Variants in LMOD1 observed in about 807,000 individuals in gnomAD.
The protein encoded by LMOD1 is leiomodin 1, also known as leiomodin-1.
In LMOD1, 8 loss-of-function variants were observed where a neutral mutation model predicts 36.5. The observed-to-expected ratio is 0.22, with a 90% CI of 0.13 to 0.40. The LOEUF is 0.40. Ranked by LOEUF, LMOD1 falls within the 10% of genes least tolerant of loss-of-function variation. The probability of loss-of-function intolerance (pLI) is 1.00; values close to 1 mark genes in which losing one functional copy is unlikely to be tolerated. For synonymous variants in LMOD1, 284 were observed against 288.7 expected, an observed-to-expected ratio of 0.98 and a Z score of 0.17; for missense variants, 630 against 751.1, an observed-to-expected ratio of 0.84 and a Z score of 1.88.
intron 1 of LMOD1, among the ~76,000 whole-genome samples, chr1:201,940,449 C>G (rs1682095063): frequency 6.6e-6 from 1 of 151,798 alleles, no homozygotes; most frequent in Non-Finnish European, 1.5e-5. Context: ...CCTCCCCAAG[C>G]ACTGGGATTA....
chr1:201,900,174 T>G lies in LMOD1; in HGVS notation c.839A>C (p.Lys280Thr). The change falls in exon 2 of 3, where the codon AAG becomes ACG. Residue 280 changes from lysine to threonine, a missense_variant. Lys to Thr is a moderately conservative substitution (Grantham distance 78, BLOSUM62 -1). Transcript: ENST00000367288. ...GGTCTTGCTGTCATCCTTGGCTTCCTTTTCATGTAAGGGTTCATTCTTCTT... is the reference window on the plus strand; with the variant it reads ...GGTCTTGCTGTCATCCTTGGCTTCCGTTTCATGTAAGGGTTCATTCTTCTT... ...KVKKNEPLHE[K>T]EAKDDSKTKT... The G allele has an allele frequency of 1.2e-6, 2 of 1,613,958 alleles. No homozygotes were observed. The highest frequency in any genetic ancestry group is 1.7e-6 in the Non-Finnish European group (2 of 1,179,880).
rs938192543 is a variant in LMOD1, at chr1:201,900,687, C to T, written c.326G>A (p.Ser109Asn). The change falls in exon 2 of 3, where the codon AGC becomes AAC. Residue 109 changes from serine (S) to asparagine (N), a missense_variant. By Grantham distance (46) the Ser-to-Asn change is conservative. This residue lies in a region of LMOD1 where 405 missense variants were observed against 400.6 expected (regional missense o/e 1.01). Coordinates refer to ENST00000367288, the MANE Select transcript of LMOD1 (RefSeq NM_012134.3). The stretch of plus-strand genomic sequence containing the variant: ...CCGTCTGGGGCCCAGGGCTTTTTTG[C>T]TGGCATCTCTGCCCCTTTCCTCTCC... ...KNGEERGRDASKKALGPRRDS... is the reference protein window; with the variant it reads ...KNGEERGRDANKKALGPRRDS... 3 of 1,613,698 alleles carry T rather than the reference C, an allele frequency of 1.9e-6. No homozygotes were observed. The highest frequency in any genetic ancestry group is 1.7e-6 in the Non-Finnish European group (2 of 1,179,874).
At chr1:201,923,906 A>C (rs1405841651) in intron 1 of LMOD1, among the ~76,000 whole-genome samples, 1 of 128,256 alleles carries the variant, frequency 7.8e-6, no homozygotes. Flanking sequence ...AGAGAGAGGG[A>C]GGGAGAGAGA....
At chr1:201,918,788 TG>T (rs1339527746) in intron 1 of LMOD1, among the ~76,000 whole-genome samples, 2 of 152,236 alleles carry the variant, frequency 1.3e-5, no homozygotes, top group Non-Finnish European at 2.9e-5. Flanking sequence ...TCTCTACATA[TG>T]GCCAATCTTG....
chr1:201,930,841 G>T (rs1015204578), intron 1 of LMOD1, among the ~76,000 whole-genome samples: 2 of 152,168 alleles, frequency 1.3e-5, no homozygotes, highest in African/African-American at 4.8e-5. Flanking sequence ...AAAACAAGGA[G>T]AATGTGCTGT....
At chr1:201,908,000 C>T (rs868163546) in intron 1 of LMOD1, among the ~76,000 whole-genome samples, 3 of 152,160 alleles carry the variant, frequency 2.0e-5, no homozygotes, top group Admixed American at 6.5e-5. Context: ...TAGAGCAGGC[C>T]TCCCCGCTGC....
At position 201,901,658 on chromosome 1, in the gene LMOD1, G is replaced by A. The variant is rs187687095; in HGVS notation, c.262-907C>T. Among the ~76,000 whole-genome samples, 579 of 82,484 alleles carry A rather than the reference G, an allele frequency of 7.0e-3. 54 individuals carry two copies. Among genetic ancestry groups the A allele is most frequent in the African/African-American group, 0.029 (538 of 18,734 alleles). The allele number at this position is 82,484 out of a possible 152,430, so 54.1% of individuals were successfully genotyped here. The stretch of plus-strand genomic sequence containing the variant: ...TATATATATATATATACATATATAT[G>A]TGTATATATATATATACACATATAT... On this transcript the variant is annotated intron_variant, in intron 1 of 2. Transcript: ENST00000367288.
At position 201,900,431 on chromosome 1, in the gene LMOD1, A is replaced by C. The variant is rs1681280599; in HGVS notation, c.582T>G (p.Ser194Arg). The change falls in exon 2 of 3, where the codon AGT becomes AGG. Residue 194 changes from serine to arginine, a missense_variant. By Grantham distance (110) the Ser-to-Arg change is moderately radical (BLOSUM62 -1). Around this residue, in one of 3 missense-constraint regions of LMOD1, gnomAD observed 405 missense variants for 400.6 expected, o/e 1.01. Transcript: ENST00000367288. ...CCCTGCTCAAGCCTGTGTTCCTGTC[A>C]CTCCCTTTCTTCTCCTCTTCCTTCT... Reference protein sequence around the residue: ...ATKKEEEKKGSDRNTGLSRDK... With the variant: ...ATKKEEEKKGRDRNTGLSRDK... The C allele has an allele frequency of 6.4e-6, 10 of 1,563,406 alleles. No homozygotes were observed. Among genetic ancestry groups the C allele is most frequent in the African/African-American group, 6.0e-5 (4 of 66,684 alleles).
chr1:201,931,518 ACATAATGAGACTCTGT>A (rs1681920817), intron 1 of LMOD1, among the ~76,000 whole-genome samples: 1 of 146,218 alleles, frequency 6.8e-6, no homozygotes. Flanking sequence ...AGCCTGGGCG[ACATAATGAGACTCTGT>A]CAAAAAAAAA....
intron 1 of LMOD1, among the ~76,000 whole-genome samples, chr1:201,940,288 G>C (rs1443115834): frequency 1.3e-5 from 2 of 150,136 alleles, no homozygotes; most frequent in Non-Finnish European, 3.0e-5. Context: ...CTGGGTTCAA[G>C]GGATTCTCCT....
At chr1:201,907,589 G>A (rs780489332) in intron 1 of LMOD1, among the ~76,000 whole-genome samples, 1 of 152,184 alleles carries the variant, frequency 6.6e-6, no homozygotes, top group Non-Finnish European at 1.5e-5. Context: ...GACCTGCCTG[G>A]AGGGCTACAA....
chr1:201,938,686 A>G (rs1198061607), intron 1 of LMOD1, among the ~76,000 whole-genome samples: 2 of 152,068 alleles, frequency 1.3e-5, no homozygotes, highest in African/African-American at 4.8e-5. Context: ...ATCTCAAAGG[A>G]AGGCCTATTG....
At chr1:201,944,506 A>T (rs1682169402) in intron 1 of LMOD1, among the ~76,000 whole-genome samples, 1 of 152,072 alleles carries the variant, frequency 6.6e-6, no homozygotes, top group Admixed American at 6.6e-5. Flanking sequence ...GCTGCATTTC[A>T]TTTCTTTCTG....
chr1:201,924,666 AAAGAAAGAAAGAAAGAAAG>A (rs1266535864), intron 1 of LMOD1, among the ~76,000 whole-genome samples: 27 of 3,498 alleles, frequency 7.7e-3, no homozygotes, highest in African/African-American at 1.4e-3. Context: ...GAAAGAAAAA[AAAGAAAGAAAGAAAGAAAG>A]AAAGAAAGAA....
intron 1 of LMOD1, among the ~76,000 whole-genome samples, chr1:201,915,994 C>A (rs1681603934): frequency 6.6e-6 from 1 of 151,992 alleles, no homozygotes; most frequent in Admixed American, 6.6e-5. Flanking sequence ...ACACGGCTCA[C>A]TGCAGCCTTG....
At chr1:201,918,462 G>A (rs1455142548) in intron 1 of LMOD1, among the ~76,000 whole-genome samples, 2 of 152,164 alleles carry the variant, frequency 1.3e-5, no homozygotes, top group Non-Finnish European at 2.9e-5. Context: ...AAAGCCCTCC[G>A]TGACCTGGCC....
chr1:201,946,469 G>A lies in LMOD1; in HGVS notation c.-129C>T. ...AACCTCCTGCTGGTCGAGGACTGCAGCTCCTTGGCCCTTCTGTGCTACAGG... is the reference window on the plus strand; with the variant it reads ...AACCTCCTGCTGGTCGAGGACTGCAACTCCTTGGCCCTTCTGTGCTACAGG... On this transcript the variant is annotated 5_prime_UTR_variant, in exon 1 of 3. Coordinates refer to ENST00000367288, the MANE Select transcript of LMOD1 (RefSeq NM_012134.3). 1.1e-6 allele frequency: 1 copy of A among 932,620 alleles called. No homozygotes were observed. Among genetic ancestry groups the A allele is most frequent in the Non-Finnish European group, 1.6e-6 (1 of 622,326 alleles). 57.8% of individuals were successfully genotyped at this position (932,620 alleles called of 1,614,324 possible).
chr1:201,942,826 C>T (rs1426856601), intron 1 of LMOD1, among the ~76,000 whole-genome samples: 1 of 152,098 alleles, frequency 6.6e-6, no homozygotes, highest in African/African-American at 2.4e-5. Flanking sequence ...TACCCCCACC[C>T]AGATTATTTT....
chr1:201,942,753 T>C (rs890512240), intron 1 of LMOD1, among the ~76,000 whole-genome samples: 2 of 151,956 alleles, frequency 1.3e-5, no homozygotes, highest in African/African-American at 2.4e-5. Context: ...TGAACACCCA[T>C]GTAGACCCAT....
Sources: allele counts gnomAD v4.1 joint callset (sites outside exome capture counted in the v4.1 genomes callset), GRCh38; gene constraint gnomAD v4.1.1; regional missense constraint gnomAD v4.1.1; transcripts MANE v1.5; gene names NCBI Gene and HGNC (gene_info 2026-07-23, HGNC 2026-07-21).